Variants in RBFOX1 observed in about 807,000 individuals in gnomAD.
RBFOX1 encodes the protein RNA binding fox-1 homolog 1.
A neutral mutation model predicts 57.7 loss-of-function variants in RBFOX1; 8 were observed. That is an observed-to-expected ratio of 0.14 (90% CI 0.08 to 0.25). The LOEUF (loss-of-function observed/expected upper bound fraction) is 0.25, where lower values mean the gene tolerates loss of function less well. RBFOX1 is among the 10% of genes least tolerant of loss of function. RBFOX1 has a pLI of 1.00. For missense variants in RBFOX1, 611 were observed against 548.5 expected (o/e 1.11, Z -1.14); for synonymous variants, 326 against 222.4 (o/e 1.47, Z -4.15).
At chr16:5,983,623 G>A (rs1327275792) in intron 4 of RBFOX1, among the ~76,000 whole-genome samples, 2 of 152,120 alleles carry the variant, frequency 1.3e-5, no homozygotes, top group Admixed American at 6.5e-5. Context: ...CTTGTTTTTT[G>A]AAACCAACTT....
intron 2 of RBFOX1, among the ~76,000 whole-genome samples, chr16:5,550,150 G>A (rs935230030): frequency 6.6e-6 from 1 of 152,194 alleles, no homozygotes; most frequent in African/African-American, 2.4e-5. Context: ...AAGCATCACT[G>A]CAGAACCAAC....
At chr16:6,773,836 T>C in intron 3 of RBFOX1, 1 of 401,268 alleles carries the variant, frequency 2.5e-6, no homozygotes, top group South Asian at 1.0e-4. Context: ...GGGCATGGGG[T>C]GCATTTGTGT....
intron 3 of RBFOX1, among the ~76,000 whole-genome samples, chr16:6,854,044 T>G (rs74007115): frequency 2.0e-5 from 3 of 152,204 alleles, no homozygotes; most frequent in African/African-American, 2.4e-5. Context: ...CTCAGGCAGT[T>G]AAGTCTTTGT....
At chr16:5,745,110 A>G (rs1362488104) in intron 3 of RBFOX1, among the ~76,000 whole-genome samples, 1 of 152,084 alleles carries the variant, frequency 6.6e-6, no homozygotes, top group Admixed American at 6.5e-5. Flanking sequence ...ACCTCATGAC[A>G]GGCCCCGGTG....
intron 11 of RBFOX1, among the ~76,000 whole-genome samples, chr16:7,631,903 G>C (rs1414222714): frequency 2.0e-5 from 3 of 152,160 alleles, no homozygotes; most frequent in Non-Finnish European, 2.9e-5. Flanking sequence ...CTGACAGCCA[G>C]TTGTTTCTCA....
At chr16:7,485,756 C>T in intron 4 of RBFOX1, among the ~76,000 whole-genome samples, 1 of 152,200 alleles carries the variant, frequency 6.6e-6, no homozygotes, top group Admixed American at 6.5e-5. Flanking sequence ...TTTCCCAACT[C>T]TCTCATGTCT....
At chr16:6,653,649 A>T (rs1040283107) in intron 2 of RBFOX1, among the ~76,000 whole-genome samples, 1 of 151,432 alleles carries the variant, frequency 6.6e-6, no homozygotes, top group Non-Finnish European at 1.5e-5. Context: ...GAATGGATGG[A>T]TGGATGAATG....
intron 1 of RBFOX1, among the ~76,000 whole-genome samples, chr16:6,309,712 G>A (rs927949224): frequency 6.6e-6 from 1 of 151,806 alleles, no homozygotes; most frequent in Non-Finnish European, 1.5e-5. Context: ...AGAGCTTCGG[G>A]GAGAAGTTTG....
At chr16:6,022,058 C>G (rs1162001777) in intron 1 of RBFOX1, among the ~76,000 whole-genome samples, 2 of 152,172 alleles carry the variant, frequency 1.3e-5, no homozygotes, top group Non-Finnish European at 2.9e-5. Flanking sequence ...TCCCATTCTG[C>G]TCTCTGCATG....
At chr16:6,936,196 C>T (rs759029498) in intron 3 of RBFOX1, among the ~76,000 whole-genome samples, 1 of 152,108 alleles carries the variant, frequency 6.6e-6, no homozygotes, top group Admixed American at 6.5e-5. Flanking sequence ...AGGATATTAC[C>T]TTAAGGATAT....
chr16:7,668,601 C>T (rs912145822), intron 13 of RBFOX1, among the ~76,000 whole-genome samples: 1 of 151,904 alleles, frequency 6.6e-6, no homozygotes, highest in Non-Finnish European at 1.5e-5. Context: ...CGGGGGTTGT[C>T]TGAGAATGGA....
At chr16:6,403,134 G>A (rs1326697200) in intron 2 of RBFOX1, among the ~76,000 whole-genome samples, 6 of 151,700 alleles carry the variant, frequency 4.0e-5, no homozygotes, top group Non-Finnish European at 7.4e-5. Context: ...CACTGTGGGT[G>A]CTGAACCAGC....
intron 1 of RBFOX1, among the ~76,000 whole-genome samples, chr16:6,071,772 A>T (rs1299044210): frequency 2.0e-5 from 3 of 152,128 alleles, no homozygotes; most frequent in Middle Eastern, 3.2e-3. Context: ...GGTTACCACC[A>T]TTCTCCCCTC....
chr16:7,257,635 A>T (rs1323871789), intron 4 of RBFOX1, among the ~76,000 whole-genome samples: 1 of 151,980 alleles, frequency 6.6e-6, no homozygotes, highest in Non-Finnish European at 1.5e-5. Flanking sequence ...TTCCAAAGTG[A>T]GATTGTACTC....
intron 1 of RBFOX1, among the ~76,000 whole-genome samples, chr16:5,326,676 C>G (rs1348361053): frequency 6.6e-6 from 1 of 152,200 alleles, no homozygotes. Flanking sequence ...CAGAGGTTAT[C>G]CGTTCCAATT....
At chr16:5,749,011 G>A (rs917140050) in intron 3 of RBFOX1, among the ~76,000 whole-genome samples, 1 of 152,176 alleles carries the variant, frequency 6.6e-6, no homozygotes, top group East Asian at 1.9e-4. Context: ...GCTGGTATCG[G>A]TTGTTCTTTT....
chr16:5,517,417 C>T (rs1435905184), intron 2 of RBFOX1, among the ~76,000 whole-genome samples: 1 of 152,188 alleles, frequency 6.6e-6, no homozygotes, highest in Non-Finnish European at 1.5e-5. Flanking sequence ...AGATGGTAGC[C>T]TCTTCTCTGA....
At chr16:7,277,994 A>G (rs1011072083) in intron 4 of RBFOX1, among the ~76,000 whole-genome samples, 11 of 151,876 alleles carry the variant, frequency 7.2e-5, no homozygotes, top group Non-Finnish European at 1.6e-4. Flanking sequence ...TATTGAAAAG[A>G]GGCAAGAATT....
rs555023785 is a variant in RBFOX1 at position 6,908,976 on chromosome 16, C to T, written c.-15-143081C>T. 3.0e-4 allele frequency among the ~76,000 whole-genome samples: 45 copies of T among 152,224 alleles called. 1 individual carries two copies. The South Asian group carries it at 7.3e-3, about 25-fold the overall frequency. On this transcript the variant is annotated intron_variant, in intron 3 of 15. Coordinates refer to ENST00000550418, the MANE Select transcript of RBFOX1 (RefSeq NM_018723.4). The stretch of plus-strand genomic sequence containing the variant: ...CCCCAACACGCTCTCTCTGGGGGCT[C>T]CGTTCTTCTGCTTCTGAACATGCTT...
Sources: allele counts gnomAD v4.1 joint callset (sites outside exome capture counted in the v4.1 genomes callset), GRCh38; gene constraint gnomAD v4.1.1; transcripts MANE v1.5; gene names NCBI Gene and HGNC (gene_info 2026-07-23, HGNC 2026-07-21).